The following RIT2 variants were observed in gnomAD, a reference collection of about 807,000 sequenced individuals.
RIT2 encodes the protein Ras like without CAAX 2, also known as GTP-binding protein Rit2.
Under a neutral mutation model 23.7 loss-of-function variants are expected in RIT2, and 24 were observed. The observed-to-expected ratio is 1.01, with a 90% confidence interval of 0.73 to 1.43. RIT2 has a LOEUF of 1.43. Among genes scored for constraint, RIT2 ranks in the 40% most tolerant of loss-of-function variants. The pLI is 0.00. For missense variants in RIT2, 236 were observed against 266.9 expected (o/e 0.88, Z 0.81); for synonymous variants, 107 against 91.1 (o/e 1.17, Z -0.99).
chr18:42,828,702 G>A (rs1415644338), intron 4 of RIT2, among the ~76,000 whole-genome samples: 1 of 152,124 alleles, frequency 6.6e-6, no homozygotes, highest in Non-Finnish European at 1.5e-5. Flanking sequence ...GAAAGTCAAG[G>A]GAACTGTCAC....
At chr18:42,920,547 C>T in intron 4 of RIT2, 2 of 594,036 alleles carry the variant, frequency 3.4e-6, no homozygotes, top group Non-Finnish European at 3.0e-6. Context: ...TCCTTTGAAT[C>T]CTTCCACATT....
intron 4 of RIT2, among the ~76,000 whole-genome samples, chr18:42,896,418 A>C (rs1016091361): frequency 6.6e-6 from 1 of 152,184 alleles, no homozygotes; most frequent in East Asian, 1.9e-4. Flanking sequence ...TTTTCAGAAC[A>C]TTATCCTGAC....
At chr18:43,050,251 A>C (rs1912347860) in intron 1 of RIT2, among the ~76,000 whole-genome samples, 1 of 151,894 alleles carries the variant, frequency 6.6e-6, no homozygotes, top group Admixed American at 6.6e-5. Context: ...GGCTGGTCTC[A>C]AACTCCTGGG....
At chr18:42,845,903 G>A (rs1303619346) in intron 4 of RIT2, among the ~76,000 whole-genome samples, 1 of 151,872 alleles carries the variant, frequency 6.6e-6, no homozygotes, top group Non-Finnish European at 1.5e-5. Flanking sequence ...TTGCAACCTA[G>A]AGGGAAATTC....
intron 1 of RIT2, among the ~76,000 whole-genome samples, chr18:43,109,267 A>T (rs1913899097): frequency 6.6e-6 from 1 of 152,244 alleles, no homozygotes; most frequent in South Asian, 2.1e-4. Flanking sequence ...TTTACAAAGA[A>T]TTCACAATGG....
In RIT2 at chr18:42,759,712, TACACACACACACAC is replaced by T. The variant is rs59733922; in HGVS notation, c.427-16006_427-15993del. ...GCTGGGGCTCTCACTGTGTTAAATC[TACACACACACACAC>T]ACACACACACACACACACACACACA... On this transcript the variant is annotated intron_variant, in intron 4 of 4. Coordinates refer to ENST00000326695, the MANE Select transcript of RIT2 (RefSeq NM_002930.4). Among the ~76,000 whole-genome samples the T allele has an allele frequency of 4.3e-3, 568 of 131,666 alleles. 2 individuals are homozygous for T. The highest frequency in any genetic ancestry group is 7.5e-3 in the Middle Eastern group (2 of 266). The allele number at this position is 131,666 out of a possible 152,430, so 86.4% of individuals were successfully genotyped here.
Position 42,987,133 on chromosome 18 carries a change from ATG to A in RIT2, c.161-12988_161-12987del, listed in dbSNP as rs143564051. 1.6e-3 allele frequency among the ~76,000 whole-genome samples: 249 copies of A among 151,804 alleles called. 1 individual carries two copies. The highest frequency in any genetic ancestry group is 5.5e-3 in the African/African-American group (229 of 41,308). ...TGGTTTCAGTTATATATATACACATATGTGTGTGTGTGTATGAAAGCATAATA... is the reference window on the plus strand; with the variant it reads ...TGGTTTCAGTTATATATATACACATATGTGTGTGTGTATGAAAGCATAATA... On this transcript the variant is annotated intron_variant, in intron 2 of 4. Transcript: ENST00000326695.
intron 4 of RIT2, among the ~76,000 whole-genome samples, chr18:42,761,292 C>T (rs1422363101): frequency 6.6e-6 from 1 of 152,154 alleles, no homozygotes; most frequent in African/African-American, 2.4e-5. Flanking sequence ...TCTAAAGTAA[C>T]TCCCAGTCTC....
chr18:42,761,930 T>C (rs183144349), intron 4 of RIT2, among the ~76,000 whole-genome samples: 5 of 152,332 alleles, frequency 3.3e-5, no homozygotes, highest in East Asian at 3.9e-4. Flanking sequence ...AACTGTAATT[T>C]GTTTAAGTGC....
At chr18:42,766,651 C>T (rs1220175438) in intron 4 of RIT2, among the ~76,000 whole-genome samples, 1 of 152,182 alleles carries the variant, frequency 6.6e-6, no homozygotes, top group Non-Finnish European at 1.5e-5. Flanking sequence ...AGGAAGGACC[C>T]TAATGTTAAA....
chr18:43,061,084 G>A (rs1009510267), intron 1 of RIT2, among the ~76,000 whole-genome samples: 7 of 152,076 alleles, frequency 4.6e-5, no homozygotes, highest in African/African-American at 1.7e-4. Context: ...CATATATACT[G>A]TAAGGTAAGT....
intron 4 of RIT2, among the ~76,000 whole-genome samples, chr18:42,767,113 C>G (rs1237178865): frequency 6.6e-6 from 1 of 152,176 alleles, no homozygotes; most frequent in Non-Finnish European, 1.5e-5. Context: ...TACTGGGGCA[C>G]TGCCTAGTGG....
chr18:42,940,236 CTATA>C (rs5824460), intron 3 of RIT2, among the ~76,000 whole-genome samples: 1,241 of 86,946 alleles, frequency 0.014, 19 homozygotes, highest in South Asian at 0.032. Flanking sequence ...GAAAGGCTCA[CTATA>C]TATATATATA....
chr18:43,104,982 C>T (rs1913774312), intron 1 of RIT2, among the ~76,000 whole-genome samples: 1 of 152,056 alleles, frequency 6.6e-6, no homozygotes, highest in South Asian at 2.1e-4. Context: ...AAATTAATTT[C>T]AGTCTGGATT....
chr18:42,914,773 A>C (rs2144122900), intron 4 of RIT2, among the ~76,000 whole-genome samples: 1 of 152,146 alleles, frequency 6.6e-6, no homozygotes, highest in East Asian at 1.9e-4. Context: ...GAGTACATGT[A>C]TAACCAGTGA....
At chr18:42,747,038 G>A (rs927060931) in intron 4 of RIT2, among the ~76,000 whole-genome samples, 6 of 152,104 alleles carry the variant, frequency 3.9e-5, no homozygotes, top group Middle Eastern at 3.4e-3. Context: ...CATAGTACTG[G>A]AAGTCCTAGG....
At chr18:42,902,563 A>G (rs540644572) in intron 4 of RIT2, among the ~76,000 whole-genome samples, 32 of 150,606 alleles carry the variant, frequency 2.1e-4, no homozygotes, top group Non-Finnish European at 4.1e-4. Context: ...AAATTTTAAA[A>G]GATGCAAATA....
intron 4 of RIT2, among the ~76,000 whole-genome samples, chr18:42,794,735 T>C (rs895939688): frequency 6.6e-6 from 1 of 152,232 alleles, no homozygotes; most frequent in African/African-American, 2.4e-5. Flanking sequence ...ACGTTTATTA[T>C]AGGAAACAGT....
intron 2 of RIT2, among the ~76,000 whole-genome samples, chr18:42,976,857 T>C (rs1433838439): frequency 6.6e-6 from 1 of 152,010 alleles, no homozygotes; most frequent in African/African-American, 2.4e-5. Flanking sequence ...TGAGAAATAA[T>C]GTATAAGATA....
Sources: gnomAD v4.1 joint callset for allele counts (sites outside exome capture counted in the v4.1 genomes callset) on GRCh38, gnomAD v4.1.1 for gene constraint, MANE v1.5 for transcripts, NCBI Gene and HGNC (gene_info 2026-07-23, HGNC 2026-07-21) for gene names.